Variants in CCDC85A observed in about 807,000 individuals in gnomAD.
CCDC85A encodes coiled-coil domain containing 85A, also known as coiled-coil domain-containing protein 85A.
A neutral mutation model predicts 50.2 loss-of-function variants in CCDC85A; 38 were observed. The ratio of observed to expected loss-of-function variants is 0.76; its 90% CI spans 0.58 to 0.99. The LOEUF (loss-of-function observed/expected upper bound fraction) is 0.99, where lower values mean the gene tolerates loss of function less well. Ranked by LOEUF, CCDC85A falls within the 50% of genes least tolerant of loss-of-function variation. The probability of loss-of-function intolerance (pLI) is 0.00; values close to 1 mark genes in which losing one functional copy is unlikely to be tolerated. For synonymous variants in CCDC85A, 366 were observed against 301.4 expected (o/e 1.21, Z -2.22); for missense variants, 820 against 742.0 (o/e 1.11, Z -1.22).
intron 3 of CCDC85A, among the ~76,000 whole-genome samples, chr2:56,366,570 G>A (rs1675805874): frequency 6.6e-6 from 1 of 152,102 alleles, no homozygotes; most frequent in South Asian, 2.1e-4. Flanking sequence ...GTCTATTCAG[G>A]TCCTTTGCTC....
chr2:56,276,697 T>G (rs1048668727), intron 2 of CCDC85A, among the ~76,000 whole-genome samples: 1 of 152,250 alleles, frequency 6.6e-6, no homozygotes, highest in Non-Finnish European at 1.5e-5. Flanking sequence ...GTCTCTGATA[T>G]GTCTTTGTCA....
At chr2:56,187,979 G>A (rs147489530) in intron 1 of CCDC85A, among the ~76,000 whole-genome samples, 120 of 152,324 alleles carry the variant, frequency 7.9e-4, no homozygotes, top group African/African-American at 2.7e-3. Flanking sequence ...CCACCACCCT[G>A]CTCTGCAGTG....
intron 2 of CCDC85A, among the ~76,000 whole-genome samples, chr2:56,198,334 A>G (rs961074529): frequency 6.6e-6 from 1 of 152,226 alleles, no homozygotes; most frequent in Non-Finnish European, 1.5e-5. Flanking sequence ...TTTAACAGTT[A>G]CAGTTATGGA....
chr2:56,316,819 T>C (rs1236116092), intron 2 of CCDC85A, among the ~76,000 whole-genome samples: 3 of 152,182 alleles, frequency 2.0e-5, no homozygotes, highest in Non-Finnish European at 4.4e-5. Flanking sequence ...ATTCACAAAA[T>C]GGCAAAATGT....
intron 2 of CCDC85A, among the ~76,000 whole-genome samples, chr2:56,317,357 T>G (rs7599517): frequency 0.016 from 2,464 of 152,168 alleles, 73 homozygotes; most frequent in African/African-American, 0.056. Flanking sequence ...TTGTATGGAG[T>G]GATCCAAAAG....
intron 2 of CCDC85A, among the ~76,000 whole-genome samples, chr2:56,234,683 A>G (rs775660583): frequency 7.3e-5 from 11 of 151,370 alleles, no homozygotes; most frequent in Non-Finnish European, 1.5e-4. Flanking sequence ...TCAAATGTGC[A>G]TGTTCTCCAG....
intron 3 of CCDC85A, among the ~76,000 whole-genome samples, chr2:56,356,856 T>A (rs1224608790): frequency 6.6e-6 from 1 of 150,586 alleles, no homozygotes; most frequent in African/African-American, 2.5e-5. Flanking sequence ...GATCACGAGG[T>A]CAGGAGATCA....
At chr2:56,356,399 A>G (rs1675226839) in intron 3 of CCDC85A, among the ~76,000 whole-genome samples, 1 of 152,144 alleles carries the variant, frequency 6.6e-6, no homozygotes, top group East Asian at 1.9e-4. Flanking sequence ...AACCAGTGAA[A>G]CTCACATGCT....
intron 2 of CCDC85A, among the ~76,000 whole-genome samples, chr2:56,212,797 C>A (rs974672781): frequency 3.9e-5 from 6 of 152,034 alleles, no homozygotes; most frequent in African/African-American, 1.4e-4. Context: ...GCCACGCACA[C>A]CCTGTACAGA....
intron 2 of CCDC85A, among the ~76,000 whole-genome samples, chr2:56,327,285 A>C (rs531083785): frequency 6.6e-6 from 1 of 152,294 alleles, no homozygotes; most frequent in Non-Finnish European, 1.5e-5. Flanking sequence ...CATCTACCTC[A>C]GTATTCATGT....
At chr2:56,328,779 A>G (rs1346150788) in intron 2 of CCDC85A, among the ~76,000 whole-genome samples, 2 of 151,780 alleles carry the variant, frequency 1.3e-5, no homozygotes, top group Non-Finnish European at 2.9e-5. Flanking sequence ...CCTCCTGGAG[A>G]CGTATTGAAT....
chr2:56,218,938 A>G (rs556899560), intron 2 of CCDC85A, among the ~76,000 whole-genome samples: 112 of 151,920 alleles, frequency 7.4e-4, no homozygotes, highest in African/African-American at 2.6e-3. Flanking sequence ...CATTTTATTC[A>G]TCTATAAAGA....
At chr2:56,299,843 A>G (rs1672121103) in intron 2 of CCDC85A, among the ~76,000 whole-genome samples, 1 of 152,154 alleles carries the variant, frequency 6.6e-6, no homozygotes, top group Non-Finnish European at 1.5e-5. Context: ...CCCTCCATTC[A>G]TTTCTTTTTA....
At chr2:56,360,234 C>G (rs982572336) in intron 3 of CCDC85A, among the ~76,000 whole-genome samples, 8 of 152,252 alleles carry the variant, frequency 5.3e-5, no homozygotes, top group Non-Finnish European at 1.0e-4. Flanking sequence ...TTTCAAGCCT[C>G]TCTGTAGCAC....
At chr2:56,252,468 C>T (rs903923244) in intron 2 of CCDC85A, among the ~76,000 whole-genome samples, 12 of 152,048 alleles carry the variant, frequency 7.9e-5, no homozygotes, top group African/African-American at 2.7e-4. Flanking sequence ...AATCAAATAA[C>T]GTAAAATTGC....
At chr2:56,218,118 A>G (rs751243440) in intron 2 of CCDC85A, among the ~76,000 whole-genome samples, 4 of 151,894 alleles carry the variant, frequency 2.6e-5, no homozygotes, top group African/African-American at 4.8e-5. Context: ...CTACAGCAAC[A>G]TAAAATTTTC....
intron 2 of CCDC85A, among the ~76,000 whole-genome samples, chr2:56,200,621 C>T (rs1023753886): frequency 3.3e-5 from 5 of 152,136 alleles, no homozygotes; most frequent in Admixed American, 2.6e-4. Context: ...ATAGAGGATC[C>T]TTTAGCAGCA....
chr2:56,201,076 C>CCA lies in CCDC85A; in HGVS notation c.1240+7684_1240+7685dup, dbSNP rs72152096. Reference sequence around the variant, plus strand: ...ACTATTTCAATTATTTCATCTCTCTCCACACACACACACACACACACACAC... The same window carrying CCA: ...ACTATTTCAATTATTTCATCTCTCTCCACACACACACACACACACACACACAC... On this transcript the variant is annotated intron_variant, in intron 2 of 5. Coordinates refer to ENST00000407595, the MANE Select transcript of CCDC85A (RefSeq NM_001080433.2). Among the ~76,000 whole-genome samples, 549 of 147,336 alleles carry CCA rather than the reference C, an allele frequency of 3.7e-3. 6 individuals are homozygous for CCA. In the East Asian group the frequency reaches 0.041, roughly 11 times the overall value.
At chr2:56,288,192 T>C (rs1005751182) in intron 2 of CCDC85A, among the ~76,000 whole-genome samples, 2 of 152,218 alleles carry the variant, frequency 1.3e-5, no homozygotes, top group African/African-American at 2.4e-5. Flanking sequence ...TGAATAGTTT[T>C]CTACCTGGTC....
Sources: gnomAD v4.1 joint callset for allele counts (sites outside exome capture counted in the v4.1 genomes callset) on GRCh38, gnomAD v4.1.1 for gene constraint, MANE v1.5 for transcripts, NCBI Gene and HGNC (gene_info 2026-07-23, HGNC 2026-07-21) for gene names.